The following IGF2R variants were observed in gnomAD, a reference collection of about 807,000 sequenced individuals.
IGF2R encodes the protein cation-independent mannose-6-phosphate receptor.
Under a neutral mutation model 270.6 loss-of-function variants are expected in IGF2R, and 91 were observed. The observed-to-expected ratio is 0.34, with a 90% CI of 0.28 to 0.40. The LOEUF (loss-of-function observed/expected upper bound fraction) is 0.40. IGF2R is among the 10% of genes least tolerant of loss of function. IGF2R has a pLI of 1.00. For synonymous variants in IGF2R, 1,316 were observed against 1,258.9 expected (o/e 1.05, Z -0.96); for missense variants, 2,805 against 3,188.3 (o/e 0.88, Z 2.90).
At position 160,047,898 on chromosome 6, in the gene IGF2R, A is replaced by G; in HGVS notation, c.2336A>G (p.Asp779Gly). ...GACCCCTCCACGCTGGAGCAGTACGACCTCTCCAGGTGAGGCAGAGTCAGC... is the reference window on the plus strand; with the variant it reads ...GACCCCTCCACGCTGGAGCAGTACGGCCTCTCCAGGTGAGGCAGAGTCAGC... ...VTDPSTLEQY[D>G]LSSLAKSEGG... Residue 779 changes from aspartate (D) to glycine (G), a missense_variant, in exon 17 of 48, where the codon GAC becomes GGC. Transcript: ENST00000356956. The G allele has an allele frequency of 6.2e-7, 1 of 1,608,412 alleles. No individual in the cohort carries two copies. The highest frequency in any genetic ancestry group is 2.2e-5 in the East Asian group (1 of 44,854).
intron 41 of IGF2R, among the ~76,000 whole-genome samples, chr6:160,086,479 A>G (rs1370167194): frequency 2.0e-5 from 3 of 152,124 alleles, no homozygotes; most frequent in Non-Finnish European, 4.4e-5. Context: ...TGTGCTTAAT[A>G]TATGTTTAAT....
At chr6:160,032,450 A>G (rs1282762132) in intron 7 of IGF2R, 101 bp from the exon 8 acceptor site, 9 of 1,063,572 alleles carry the variant, frequency 8.5e-6, no homozygotes, top group Non-Finnish European at 1.2e-5. Flanking sequence ...AAAATGTAGA[A>G]ACCTAACAAC....
At chr6:160,039,567 A>AT (rs1199342460) in intron 10 of IGF2R, among the ~76,000 whole-genome samples, 1 of 152,198 alleles carries the variant, frequency 6.6e-6, no homozygotes, top group African/African-American at 2.4e-5. Context: ...TTGGATAGAA[A>AT]TTACAATTGA....
At chr6:160,052,283 C>A (rs1194334274) in intron 19 of IGF2R, among the ~76,000 whole-genome samples, 1 of 152,174 alleles carries the variant, frequency 6.6e-6, no homozygotes, top group Admixed American at 6.5e-5. Flanking sequence ...CATTCCTATA[C>A]ACCATTAACA....
At chr6:160,096,894 G>A (rs553295111) in intron 45 of IGF2R, among the ~76,000 whole-genome samples, 10 of 152,202 alleles carry the variant, frequency 6.6e-5, no homozygotes, top group African/African-American at 2.2e-4. Context: ...ACCATGCCCC[G>A]AATAGGGTCC....
Position 160,058,987 on chromosome 6 carries a change from G to A in IGF2R, c.2980G>A (p.Glu994Lys), listed in dbSNP as rs1440412162. 12 of 1,614,084 alleles carry A rather than the reference G, an allele frequency of 7.4e-6. No homozygotes were observed. In the Admixed American group the frequency reaches 2.0e-4, roughly 27 times the overall value. ...ASGCEAETQTEELKNWKPARP... is the reference protein window; with the variant it reads ...ASGCEAETQTKELKNWKPARP... ...TGGCTGTGAGGCAGAAACCCAAACT[G>A]AAGAGCTCAAGAATTGGAAGCCAGC... The change falls in exon 22 of 48, where the codon GAA becomes AAA. Residue 994 changes from glutamate (E) to lysine (K), a missense_variant. Physicochemically the swap from Glu to Lys is moderately conservative, Grantham distance 56 (BLOSUM62 1). Transcript: ENST00000356956.
chr6:159,975,217 G>A (rs941285576), intron 1 of IGF2R, among the ~76,000 whole-genome samples: 4 of 152,174 alleles, frequency 2.6e-5, no homozygotes, highest in Admixed American at 2.0e-4. Context: ...CTTTGGGTCT[G>A]ATTAATTTGC....
chr6:160,038,966 C>T (rs1377846944), intron 10 of IGF2R, among the ~76,000 whole-genome samples: 2 of 152,154 alleles, frequency 1.3e-5, no homozygotes, highest in Non-Finnish European at 2.9e-5. Flanking sequence ...AGTTATGAAA[C>T]CATAAGCAAA....
chr6:160,102,790 G>A lies in IGF2R; in HGVS notation c.6995+119G>A, dbSNP rs550748796. The A allele has an allele frequency of 8.5e-6, 10 of 1,182,358 alleles. No homozygotes were observed. The Admixed American group carries it at 1.9e-4, about 23-fold the overall frequency. The allele number at this position is 1,182,358 out of a possible 1,614,324, so 73.2% of individuals were successfully genotyped here. On this transcript the variant is annotated intron_variant, in intron 46 of 47. Transcript: ENST00000356956. The surrounding 1 kb of genome is among the most constrained non-coding windows in gnomAD (Gnocchi z 4.5). ...TTAAGCCCTACAGCAGCGAAGGCTC[G>A]AGGTTCTTAGTCCAAAACTCTCTGG...
At chr6:160,101,811 T>C (rs1378651730) in intron 45 of IGF2R, among the ~76,000 whole-genome samples, 1 of 152,238 alleles carries the variant, frequency 6.6e-6, no homozygotes, top group East Asian at 1.9e-4. Flanking sequence ...TTGTCCCAAC[T>C]CTGCTTGAGT....
chr6:159,995,939 G>T (rs1461373826), intron 2 of IGF2R, among the ~76,000 whole-genome samples: 7 of 113,716 alleles, frequency 6.2e-5, no homozygotes, highest in African/African-American at 1.0e-4. Context: ...TTGTTACTCT[G>T]TTTCATTCTC....
chr6:160,098,209 G>A (rs950386723), intron 45 of IGF2R, among the ~76,000 whole-genome samples: 3 of 152,230 alleles, frequency 2.0e-5, no homozygotes, highest in Non-Finnish European at 2.9e-5. Context: ...CATGTTGAAT[G>A]TTTAGAGTTC....
intron 4 of IGF2R, among the ~76,000 whole-genome samples, chr6:160,014,979 T>C (rs1376586284): frequency 3.3e-5 from 5 of 152,224 alleles, no homozygotes; most frequent in African/African-American, 1.2e-4. Context: ...GCAACTTTGC[T>C]TTGAGGATAT....
rs1218518315 is a variant in IGF2R, at chr6:160,027,333, T to C, written c.776+19T>C. The C allele has an allele frequency of 6.3e-7, 1 of 1,598,760 alleles. No individual in the cohort carries two copies. Among genetic ancestry groups the C allele is most frequent in the East Asian group, 2.2e-5 (1 of 44,652 alleles). ...AGGACAGGTCAGTCAAGGCCTCCGA[T>C]GCTGTTGGCGTTTTTAATCTCCAGC... On this transcript the variant is annotated intron_variant, in intron 6 of 47. Transcript: ENST00000356956.
chr6:160,088,987 G>T (rs1024080313), intron 42 of IGF2R, 120 bp from the exon 43 acceptor site: 1 of 1,021,488 alleles, frequency 9.8e-7, no homozygotes, highest in East Asian at 2.9e-5. Context: ...CTGAAGTCTC[G>T]CAGCACCTTG....
At chr6:160,073,106 T>G in intron 33 of IGF2R, 107 bp from the exon 34 acceptor site, 2 of 1,456,032 alleles carry the variant, frequency 1.4e-6, no homozygotes, top group East Asian at 4.6e-5. Flanking sequence ...CTTGAAGTTA[T>G]AAGTGTTGGC....
chr6:160,089,173 T>C lies in IGF2R; in HGVS notation c.6387T>C (p.Pro2129=), dbSNP rs55987511. The change falls in exon 43 of 48, where the codon CCT becomes CCC. Residue 2129 remains proline, a synonymous_variant. Coordinates refer to ENST00000356956, the MANE Select transcript of IGF2R (RefSeq NM_000876.4). ...CCCGGGCTGCCTGCGCCGTGAAGCC[T>C]CAGGAGGTGCAGATGGTGAATGGGA... ...WDSRAACAVK[P]QEVQMVNGTI... is the part of the protein sequence containing the mutation. 6.2e-3 allele frequency: 10,019 copies of C among 1,613,790 alleles called. 56 individuals carry two copies. The highest frequency in any genetic ancestry group is 6.8e-3 in the Non-Finnish European group (8,075 of 1,179,710).
chr6:160,059,535 C>A (rs946318560), intron 22 of IGF2R, among the ~76,000 whole-genome samples: 3 of 152,138 alleles, frequency 2.0e-5, no homozygotes, highest in Non-Finnish European at 4.4e-5. Flanking sequence ...CGGAACATAT[C>A]CCCCCGCAGA....
Position 160,065,814 on chromosome 6 carries a change from G to GTGTGTGTATATATATGTATA in IGF2R, c.4115+914_4115+915insGTGTGTATATATATGTATAT. ...TGTGTGTGTGTGTGTGTGTGTGTGT[G>GTGTGTGTATATATATGTATA]TATATATATATATATATATATATAT... On this transcript the variant is annotated intron_variant, in intron 29 of 47. Transcript: ENST00000356956. 1.0e-4 allele frequency among the ~76,000 whole-genome samples: 8 copies of GTGTGTGTATATATATGTATA among 78,390 alleles called. No homozygotes were observed. The East Asian group carries it at 2.4e-3, about 24-fold the overall frequency. The allele number at this position is 78,390 out of a possible 152,430, so 51.4% of individuals were successfully genotyped here.
Sources: allele counts gnomAD v4.1 joint callset (sites outside exome capture counted in the v4.1 genomes callset), GRCh38; gene constraint gnomAD v4.1.1; non-coding constraint Gnocchi (gnomAD v3.1); transcripts MANE v1.5; gene names NCBI Gene and HGNC (gene_info 2026-07-23, HGNC 2026-07-21).